The following FHOD3 variants were observed in gnomAD, a reference collection of about 807,000 sequenced individuals.
The protein encoded by FHOD3 is formin homology 2 domain containing 3, also known as FH1/FH2 domain-containing protein 3.
FHOD3 carries 90 observed loss-of-function variants against 173.0 expected under a neutral mutation model. The ratio of observed to expected loss-of-function variants is 0.52; its 90% confidence interval spans 0.44 to 0.62. The LOEUF (loss-of-function observed/expected upper bound fraction) is 0.62. FHOD3 is among the 20% of genes least tolerant of loss of function. The probability of loss-of-function intolerance (pLI) is 0.00; values close to 1 mark genes in which losing one functional copy is unlikely to be tolerated. For missense variants in FHOD3, 1,945 were observed against 2,034.7 expected (o/e 0.96, Z 0.85); for synonymous variants, 828 against 823.0 (o/e 1.01, Z -0.10).
At chr18:36,541,729 A>G (rs184505003) in intron 5 of FHOD3, among the ~76,000 whole-genome samples, 2 of 152,326 alleles carry the variant, frequency 1.3e-5, no homozygotes, top group East Asian at 1.9e-4. Flanking sequence ...TTCTGGGTCC[A>G]TGATTTCCTA....
intron 3 of FHOD3, among the ~76,000 whole-genome samples, chr18:36,445,720 G>T (rs377161194): frequency 1.1e-3 from 160 of 152,276 alleles, no homozygotes; most frequent in African/African-American, 3.7e-3. Flanking sequence ...GATTATGAAG[G>T]TTTGGGCCTC....
intron 5 of FHOD3, among the ~76,000 whole-genome samples, chr18:36,555,200 T>C (rs2057825727): frequency 6.6e-6 from 1 of 152,174 alleles, no homozygotes; most frequent in African/African-American, 2.4e-5. Flanking sequence ...TACTTCTCTT[T>C]AGAAGCATCC....
intron 5 of FHOD3, among the ~76,000 whole-genome samples, chr18:36,522,034 T>C (rs548130750): frequency 6.6e-6 from 1 of 152,338 alleles, no homozygotes; most frequent in Admixed American, 6.5e-5. Flanking sequence ...GGTTCCCGAG[T>C]ATTTTGGCCC....
At chr18:36,759,261 A>T (rs2042768164) in intron 26 of FHOD3, 120 bp downstream of exon 26, 1 of 1,144,154 alleles carries the variant, frequency 8.7e-7, no homozygotes, top group Non-Finnish European at 1.3e-6. Context: ...CAATGCATGG[A>T]CATTTTTCTG....
intron 1 of FHOD3, among the ~76,000 whole-genome samples, chr18:36,330,500 G>A (rs2044931659): frequency 6.6e-6 from 1 of 152,140 alleles, no homozygotes; most frequent in Admixed American, 6.5e-5. Flanking sequence ...TTCTTCTCTT[G>A]GAATGTGAAG....
chr18:36,354,697 T>C (rs905951089), intron 1 of FHOD3, among the ~76,000 whole-genome samples: 4 of 151,952 alleles, frequency 2.6e-5, no homozygotes, highest in African/African-American at 9.7e-5. Context: ...TCCCAGCTAC[T>C]TGGGAAGCTG....
intron 3 of FHOD3, among the ~76,000 whole-genome samples, chr18:36,421,587 G>A (rs994993836): frequency 2.6e-5 from 4 of 152,174 alleles, no homozygotes; most frequent in African/African-American, 9.7e-5. Context: ...ATTTCATAGC[G>A]GTAAAGGTGA....
At chr18:36,712,465 C>T (rs1466928838) in intron 18 of FHOD3, among the ~76,000 whole-genome samples, 1 of 103,366 alleles carries the variant, frequency 9.7e-6, no homozygotes. Flanking sequence ...AACACAGTAA[C>T]AACAAAAAAA....
At chr18:36,302,320 T>C (rs1358201620) in intron 1 of FHOD3, among the ~76,000 whole-genome samples, 1 of 152,168 alleles carries the variant, frequency 6.6e-6, no homozygotes, top group Non-Finnish European at 1.5e-5. Flanking sequence ...GGATAGAATC[T>C]AGCTACTCCA....
intron 3 of FHOD3, among the ~76,000 whole-genome samples, chr18:36,444,699 A>AT (rs920768792): frequency 6.6e-6 from 1 of 151,324 alleles, no homozygotes; most frequent in Non-Finnish European, 1.5e-5. Flanking sequence ...CATGCTATAG[A>AT]TTTTTTTTTC....
At chr18:36,769,239 G>A (rs1232869623) in intron 27 of FHOD3, 26 bp from the exon 28 acceptor site, 2 of 1,612,052 alleles carry the variant, frequency 1.2e-6, no homozygotes, top group East Asian at 4.5e-5. Flanking sequence ...TGAGTATGTT[G>A]TGCACTCTGG....
chr18:36,322,514 G>A (rs765866212), intron 1 of FHOD3, among the ~76,000 whole-genome samples: 19 of 152,098 alleles, frequency 1.2e-4, no homozygotes, highest in Non-Finnish European at 2.2e-4. Context: ...GGAGCCTGTG[G>A]ACCCAAAAGA....
At chr18:36,564,377 G>A (rs1482567051) in intron 5 of FHOD3, among the ~76,000 whole-genome samples, 1 of 152,156 alleles carries the variant, frequency 6.6e-6, no homozygotes, top group Non-Finnish European at 1.5e-5. Context: ...TTCCTTTGGT[G>A]TCTCCTTATC....
chr18:36,590,837 G>GT (rs2059191143), intron 6 of FHOD3, among the ~76,000 whole-genome samples: 1 of 152,346 alleles, frequency 6.6e-6, no homozygotes, highest in South Asian at 2.1e-4. Context: ...AGAGCCACAT[G>GT]TAGGAGAATG....
chr18:36,338,481 C>A (rs964177840), intron 1 of FHOD3, among the ~76,000 whole-genome samples: 1 of 152,160 alleles, frequency 6.6e-6, no homozygotes, highest in African/African-American at 2.4e-5. Context: ...TGGGTCACAC[C>A]GAGTGTGGCA....
chr18:36,654,924 G>C (rs756885002), intron 13 of FHOD3, among the ~76,000 whole-genome samples: 2 of 152,162 alleles, frequency 1.3e-5, no homozygotes, highest in Non-Finnish European at 2.9e-5. Flanking sequence ...CCTAGGAGCA[G>C]CATGGGAAGA....
chr18:36,627,728 C>T (rs1485294534), intron 10 of FHOD3, among the ~76,000 whole-genome samples: 3 of 152,224 alleles, frequency 2.0e-5, no homozygotes, highest in Admixed American at 6.5e-5. Context: ...CCCAAAGTGA[C>T]GGCATGATTT....
chr18:36,509,420 C>G (rs1036763417), intron 4 of FHOD3, among the ~76,000 whole-genome samples: 1 of 125,848 alleles, frequency 7.9e-6, no homozygotes, highest in Non-Finnish European at 1.6e-5. Flanking sequence ...GAGCAAGACT[C>G]CATCTCAAAA....
intron 3 of FHOD3, among the ~76,000 whole-genome samples, chr18:36,476,902 T>A (rs1366142184): frequency 6.6e-6 from 1 of 152,170 alleles, no homozygotes; most frequent in Non-Finnish European, 1.5e-5. Context: ...GGAAGAAGCA[T>A]AGGATGAAGA....
Sources: allele counts gnomAD v4.1 joint callset (sites outside exome capture counted in the v4.1 genomes callset), GRCh38; gene constraint gnomAD v4.1.1; transcripts MANE v1.5; gene names NCBI Gene and HGNC (gene_info 2026-07-23, HGNC 2026-07-21).